The following HNRNPR variants were observed in gnomAD, a reference collection of about 807,000 sequenced individuals.
The protein encoded by HNRNPR is heterogeneous nuclear ribonucleoprotein R.
HNRNPR carries 4 observed loss-of-function variants against 70.3 expected under a neutral mutation model. The ratio of observed to expected loss-of-function variants is 0.06; its 90% CI spans 0.03 to 0.13. HNRNPR has a LOEUF of 0.13. Among genes scored for constraint, HNRNPR ranks in the 10% least tolerant of loss-of-function variants. The pLI, the probability that HNRNPR is intolerant of heterozygous loss-of-function variation, is 1.00. For missense variants in HNRNPR, 423 were observed against 788.5 expected (o/e 0.54, Z 5.55); for synonymous variants, 241 against 267.6 (o/e 0.90, Z 0.97).
At chr1:23,322,844 T>C (rs1645811158) in intron 6 of HNRNPR, among the ~76,000 whole-genome samples, 1 of 152,206 alleles carries the variant, frequency 6.6e-6, no homozygotes, top group Admixed American at 6.6e-5. Context: ...ATTGTTATTT[T>C]AAGATACTGA....
intron 7 of HNRNPR, among the ~76,000 whole-genome samples, chr1:23,319,665 C>A (rs779245995): frequency 3.3e-5 from 5 of 152,122 alleles, no homozygotes; most frequent in Non-Finnish European, 5.9e-5. Flanking sequence ...CTGCTTAAAA[C>A]CTTTAAATAC....
intron 1 of HNRNPR, among the ~76,000 whole-genome samples, chr1:23,342,966 C>T (rs927270831): frequency 1.4e-4 from 22 of 152,042 alleles, no homozygotes; most frequent in African/African-American, 4.8e-4. Flanking sequence ...AACAAAAAAA[C>T]CGTAAAATAA....
At chr1:23,316,258 C>T (rs2148341039) in intron 8 of HNRNPR, among the ~76,000 whole-genome samples, 1 of 152,260 alleles carries the variant, frequency 6.6e-6, no homozygotes, top group African/African-American at 2.4e-5. Context: ...TGTGCTATGA[C>T]TGCACATGTG....
At position 23,338,509 on chromosome 1, in the gene HNRNPR, CT is replaced by C; in HGVS notation, c.256del (p.Ser86ValfsTer17). On this transcript the variant is annotated frameshift_variant, in exon 3 of 11. Coordinates refer to ENST00000302271, the MANE Select transcript of HNRNPR (RefSeq NM_005826.5). LOFTEE classifies it high-confidence loss of function. ...ALSVLQQFKE[S>X]DLSHVQNKSA... ...CCTTACCTGAACATGTGATAAGTCA[CT>C]TTCCTTGAACTGCTGTAGTACAGAC... The C allele has an allele frequency of 6.6e-7, 1 of 1,515,020 alleles. No individual in the cohort carries two copies. Among genetic ancestry groups the C allele is most frequent in the Non-Finnish European group, 9.0e-7 (1 of 1,112,694 alleles). The allele number at this position is 1,515,020 out of a possible 1,614,324, so 93.8% of individuals were successfully genotyped here. A position where few individuals can be genotyped will look rare whatever the true frequency, so the allele number is the denominator to read the frequency against.
intron 8 of HNRNPR, among the ~76,000 whole-genome samples, chr1:23,317,482 T>C (rs1308929140): frequency 6.6e-6 from 1 of 151,740 alleles, no homozygotes; most frequent in South Asian, 2.1e-4. Flanking sequence ...AACTCTGATG[T>C]GTCCCAGGAG....
Position 23,309,078 on chromosome 1 carries a change from G to A in HNRNPR, c.*1376C>T, listed in dbSNP as rs1463607238. On this transcript the variant is annotated 3_prime_UTR_variant, in exon 11 of 11. Transcript: ENST00000302271. Reference sequence around the variant, plus strand: ...ATTAGAATAAATCAGAATTTCTAAAGGAAATAGGGAAATAGATGTTATGTC... The same window carrying A: ...ATTAGAATAAATCAGAATTTCTAAAAGAAATAGGGAAATAGATGTTATGTC... 1 of 152,032 alleles carries A rather than the reference G, an allele frequency of 6.6e-6. No homozygotes were observed. The highest frequency in any genetic ancestry group is 2.4e-5 in the African/African-American group (1 of 41,406). 9.4% of individuals were successfully genotyped at this position (152,032 alleles called of 1,614,324 possible). A position where few individuals can be genotyped will look rare whatever the true frequency, so the allele number is the denominator to read the frequency against.
At chr1:23,337,700 T>C in intron 4 of HNRNPR, 54 bp downstream of exon 4, 1 of 1,031,750 alleles carries the variant, frequency 9.7e-7, no homozygotes, top group Non-Finnish European at 1.5e-6. Context: ...GAAAGAGGCA[T>C]TTGACCTCAT....
rs1569869273 is a variant in HNRNPR at position 23,310,318 on chromosome 1, T to C, written c.*136A>G. The C allele has an allele frequency of 2.3e-5, 18 of 785,172 alleles. No homozygotes were observed. In the South Asian group the frequency reaches 3.4e-4, roughly 15 times the overall value. 48.6% of individuals were successfully genotyped at this position (785,172 alleles called of 1,614,324 possible). A position where few individuals can be genotyped will look rare whatever the true frequency, so the allele number is the denominator to read the frequency against. On this transcript the variant is annotated 3_prime_UTR_variant, in exon 11 of 11. Transcript: ENST00000302271. The surrounding 1 kb of genome is among the most constrained non-coding windows in gnomAD (Gnocchi z 6.0). ...AAAGACTTGAGTATATACACAATAG[T>C]GATTTCTTCAGCCCAATACAAATGG...
At position 23,308,753 on chromosome 1, in the gene HNRNPR, A is replaced by G. The variant is rs1455320112; in HGVS notation, c.*1701T>C. The stretch of plus-strand genomic sequence containing the variant: ...AAATAGTAATCTTAAATTGAAATGA[A>G]AAGAAGCCATGAAACCCAATATGAT... On this transcript the variant is annotated 3_prime_UTR_variant, in exon 11 of 11. Coordinates refer to ENST00000302271, the MANE Select transcript of HNRNPR (RefSeq NM_005826.5). The G allele has an allele frequency of 6.6e-6, 1 of 152,076 alleles. No individual in the cohort carries two copies. Among genetic ancestry groups the G allele is most frequent in the African/African-American group, 2.4e-5 (1 of 41,432 alleles). 9.4% of individuals were successfully genotyped at this position (152,076 alleles called of 1,614,324 possible).
intron 5 of HNRNPR, among the ~76,000 whole-genome samples, chr1:23,327,767 A>G (rs1294240114): frequency 6.6e-6 from 1 of 152,040 alleles, no homozygotes; most frequent in African/African-American, 2.4e-5. Context: ...GAAGGAAAAA[A>G]CAGAAAAAGG....
At position 23,332,484 on chromosome 1, in the gene HNRNPR, C is replaced by A. The variant is rs529104892; in HGVS notation, c.498+1034G>T. The stretch of plus-strand genomic sequence containing the variant: ...TTGGGAAGTCAAGGCAGGTGGATCA[C>A]CTGAGGTCATGAGTTCAAGACCAGC... On this transcript the variant is annotated intron_variant, in intron 5 of 10. Coordinates refer to ENST00000302271, the MANE Select transcript of HNRNPR (RefSeq NM_005826.5). 3.2e-4 allele frequency among the ~76,000 whole-genome samples: 48 copies of A among 149,156 alleles called. No individual in the cohort carries two copies. The East Asian group carries it at 8.5e-3, about 26-fold the overall frequency.
chr1:23,329,601 C>A (rs182523249), intron 5 of HNRNPR, among the ~76,000 whole-genome samples: 38 of 152,296 alleles, frequency 2.5e-4, no homozygotes, highest in Non-Finnish European at 2.9e-4. Context: ...AGTACTTCAA[C>A]AGTAATAAAG....
At chr1:23,315,821 A>G (rs1482032406) in intron 8 of HNRNPR, among the ~76,000 whole-genome samples, 1 of 152,224 alleles carries the variant, frequency 6.6e-6, no homozygotes, top group Non-Finnish European at 1.5e-5. Flanking sequence ...CATTTTCCAC[A>G]AACGCTCCAT....
chr1:23,315,296 A>T (rs56740896), intron 8 of HNRNPR, among the ~76,000 whole-genome samples: 1 of 138,782 alleles, frequency 7.2e-6, no homozygotes, highest in Non-Finnish European at 1.6e-5. Flanking sequence ...AAAAAAAAAA[A>T]AAAAAAAAAC....
At chr1:23,319,613 G>A (rs1375074715) in intron 7 of HNRNPR, among the ~76,000 whole-genome samples, 3 of 152,064 alleles carry the variant, frequency 2.0e-5, no homozygotes, top group South Asian at 2.1e-4. Flanking sequence ...TCCACAGAGC[G>A]CTAGGAATAA....
chr1:23,329,301 G>A (rs1041265367), intron 5 of HNRNPR, among the ~76,000 whole-genome samples: 4 of 152,112 alleles, frequency 2.6e-5, no homozygotes, highest in Admixed American at 2.6e-4. Context: ...AATTTAAAAG[G>A]CTAAAGTTTT....
At chr1:23,333,101 GAAC>G (rs1646309614) in intron 5 of HNRNPR, among the ~76,000 whole-genome samples, 3 of 152,112 alleles carry the variant, frequency 2.0e-5, no homozygotes, top group Non-Finnish European at 4.4e-5. Context: ...AGAATCACTT[GAAC>G]CCAGGAGGCC....
intron 7 of HNRNPR, among the ~76,000 whole-genome samples, chr1:23,319,431 ATTGG>A (rs1344525043): frequency 1.3e-5 from 2 of 152,192 alleles, no homozygotes; most frequent in African/African-American, 4.8e-5. Flanking sequence ...GAAGCCAGAA[ATTGG>A]TTAGCCATTC....
intron 2 of HNRNPR, among the ~76,000 whole-genome samples, chr1:23,339,496 T>A (rs1646630224): frequency 6.6e-6 from 1 of 152,232 alleles, no homozygotes; most frequent in South Asian, 2.1e-4. Context: ...GTCTGTTAAG[T>A]TTGTGTCATA....
Sources: gnomAD v4.1 joint callset for allele counts (sites outside exome capture counted in the v4.1 genomes callset) on GRCh38, gnomAD v4.1.1 for gene constraint, Gnocchi (gnomAD v3.1) non-coding constraint, MANE v1.5 for transcripts, NCBI Gene and HGNC (gene_info 2026-07-23, HGNC 2026-07-21) for gene names.